The following SLC35A5 variants were observed in gnomAD, a reference collection of about 807,000 sequenced individuals.
SLC35A5 encodes UDP-sugar transporter protein SLC35A5.
SLC35A5 carries 28 observed loss-of-function variants against 36.3 expected under a neutral mutation model. That is an observed-to-expected ratio of 0.77 (90% confidence interval 0.57 to 1.06). SLC35A5 has a LOEUF of 1.06. SLC35A5 is among the 50% of genes least tolerant of loss of function. SLC35A5 has a pLI of 0.00. For synonymous variants in SLC35A5, 180 were observed against 173.7 expected (o/e 1.04, Z -0.29); for missense variants, 521 against 499.3 (o/e 1.04, Z -0.41).
In SLC35A5 at chr3:112,581,094, TC is replaced by T; in HGVS notation, c.979del (p.Leu327TrpfsTer8). On this transcript the variant is annotated frameshift_variant, in exon 6 of 7. Coordinates refer to ENST00000492406, the MANE Select transcript of SLC35A5 (RefSeq NM_017945.5). LOFTEE classifies it high-confidence loss of function. The stretch of plus-strand genomic sequence containing the variant: ...CTTTCAGTGGCTTTCATTCTGAAGT[TC>T]CTGGATAACATGTTCCATGTCTTGA... ...QGLSVAFILK[F>X]LDNMFHVLMA... 1.9e-6 allele frequency: 3 copies of T among 1,614,064 alleles called. No individual in the cohort carries two copies. The highest frequency in any genetic ancestry group is 2.5e-6 in the Non-Finnish European group (3 of 1,179,956).
In SLC35A5 at chr3:112,583,352, A is replaced by G. The variant is rs1406436466; in HGVS notation, c.*616A>G. ...AACATCTCAGAATTTTAATTTTTAG[A>G]AATTCATGGGAAATTGGATTTTTGT... On this transcript the variant is annotated 3_prime_UTR_variant, in exon 7 of 7. Coordinates refer to ENST00000492406, the MANE Select transcript of SLC35A5 (RefSeq NM_017945.5). 7.8e-6 allele frequency: 3 copies of G among 383,824 alleles called. No homozygotes were observed. The highest frequency in any genetic ancestry group is 6.2e-5 in the African/African-American group (3 of 48,292). 23.8% of individuals were successfully genotyped at this position (383,824 alleles called of 1,614,324 possible).
Position 112,580,627 on chromosome 3 carries a change from T to C in SLC35A5, c.510T>C (p.Thr170=), listed in dbSNP as rs758136128. 1.2e-6 allele frequency: 2 copies of C among 1,614,136 alleles called. No homozygotes were observed. The highest frequency in any genetic ancestry group is 1.1e-5 in the South Asian group (1 of 91,080). The change falls in exon 6 of 7, where the codon ACT becomes ACC. Residue 170 remains threonine (T), a synonymous_variant. Transcript: ENST00000492406. ...TGGCCTTGACTGCCGGGACTAAAAC[T>C]TTACAGCACAACTTGGCAGGACGTG... ...SIVALTAGTK[T]LQHNLAGRGF...
At position 112,563,463 on chromosome 3, in the gene SLC35A5, C is replaced by T. The variant is rs763766778; in HGVS notation, c.60C>T (p.Phe20=). Residue 20 remains phenylalanine (F), a synonymous_variant, in exon 2 of 7, where the codon TTC becomes TTT. Transcript: ENST00000492406. Reference sequence around the variant, plus strand: ...GCTCCTTGTCAACAATGTATACATTCCTGCTAGGTGCCATATTCATTGCTT... The same window carrying T: ...GCTCCTTGTCAACAATGTATACATTTCTGCTAGGTGCCATATTCATTGCTT... ...VICSLSTMYT[F]LLGAIFIALS... is the part of the protein sequence containing the mutation. The T allele has an allele frequency of 6.2e-7, 1 of 1,608,190 alleles. No homozygotes were observed.
chr3:112,572,314 A>G (rs1248778912), intron 4 of SLC35A5, among the ~76,000 whole-genome samples: 6 of 151,916 alleles, frequency 3.9e-5, no homozygotes, highest in Admixed American at 3.9e-4. Flanking sequence ...CCCCTCTATG[A>G]AATAAATAAT....
Position 112,581,257 on chromosome 3 carries a change from TC to T in SLC35A5, c.1142del (p.Pro381ArgfsTer13), listed in dbSNP as rs1934907326. Reference protein sequence around the residue: ...FIYNASKPQVPEYAPRQERIR... With the variant: ...FIYNASKPQVXEYAPRQERIR... The stretch of plus-strand genomic sequence containing the variant: ...TTTATAATGCCAGCAAGCCTCAAGT[TC>T]CGGAATACGCACCTAGGCAAGAAAG... On this transcript the variant is annotated frameshift_variant, in exon 6 of 7. Coordinates refer to ENST00000492406, the MANE Select transcript of SLC35A5 (RefSeq NM_017945.5). LOFTEE classifies it high-confidence loss of function. 6.2e-7 allele frequency: 1 copy of T among 1,613,810 alleles called. No homozygotes were observed. Among genetic ancestry groups the T allele is most frequent in the South Asian group, 1.1e-5 (1 of 91,054 alleles).
At chr3:112,572,059 C>T (rs1334838304) in intron 4 of SLC35A5, among the ~76,000 whole-genome samples, 6 of 149,760 alleles carry the variant, frequency 4.0e-5, no homozygotes, top group Non-Finnish European at 8.9e-5. Context: ...TCTCCTGCCT[C>T]AGCCTCCCGA....
chr3:112,571,000 C>T (rs2705509), intron 4 of SLC35A5, among the ~76,000 whole-genome samples: 3 of 152,200 alleles, frequency 2.0e-5, no homozygotes, highest in African/African-American at 7.2e-5. Context: ...CTCTAATTAT[C>T]TCAGCATCCA....
rs762381230 is a variant in SLC35A5 at position 112,580,980 on chromosome 3, G to C, written c.863G>C (p.Ser288Thr). Residue 288 changes from serine (S) to threonine (T), a missense_variant, in exon 6 of 7, where the codon AGT (serine) becomes ACT (threonine). Coordinates refer to ENST00000492406, the MANE Select transcript of SLC35A5 (RefSeq NM_017945.5). ...GGGCTGACTCTGGGCCTTCAGAGGA[G>C]TAACCGTGATCAGATTAAGAACTGT... ...FNGLTLGLQR[S>T]NRDQIKNCGF... 4 of 1,613,996 alleles carry C rather than the reference G, an allele frequency of 2.5e-6. No individual in the cohort carries two copies. Among genetic ancestry groups the C allele is most frequent in the Non-Finnish European group, 3.4e-6 (4 of 1,179,986 alleles).
chr3:112,582,451 CAT>C (rs1934971038), intron 6 of SLC35A5, among the ~76,000 whole-genome samples: 2 of 152,110 alleles, frequency 1.3e-5, no homozygotes, highest in South Asian at 4.1e-4. Context: ...TCACTTTGCT[CAT>C]GTTAGCTTTG....
intron 5 of SLC35A5, among the ~76,000 whole-genome samples, chr3:112,576,999 A>G (rs1934703519): frequency 6.6e-6 from 1 of 152,010 alleles, no homozygotes; most frequent in African/African-American, 2.4e-5. Context: ...CTTATACTTG[A>G]TTGTATCAGA....
At chr3:112,580,082 C>G (rs1934835908) in intron 5 of SLC35A5, among the ~76,000 whole-genome samples, 3 of 152,026 alleles carry the variant, frequency 2.0e-5, no homozygotes, top group African/African-American at 7.2e-5. Flanking sequence ...GGGTTATGGA[C>G]ACCTTTAAAG....
At chr3:112,575,445 T>C (rs897134918) in intron 5 of SLC35A5, among the ~76,000 whole-genome samples, 14 of 147,552 alleles carry the variant, frequency 9.5e-5, no homozygotes, top group African/African-American at 3.5e-4. Context: ...TTTAAGCATT[T>C]AACTATTTGT....
chr3:112,561,565 TGGA>T (rs1933883741), upstream of SLC35A5: 5 of 1,597,028 alleles, frequency 3.1e-6, no homozygotes, highest in Non-Finnish European at 4.3e-6. Context: ...CGCGACGGGA[TGGA>T]AAGTGCAGCC....
intron 2 of SLC35A5, among the ~76,000 whole-genome samples, chr3:112,564,701 G>A (rs1372993409): frequency 2.6e-5 from 4 of 152,204 alleles, no homozygotes; most frequent in Non-Finnish European, 1.5e-5. Context: ...CACATGGGGA[G>A]AAACCTTGGA....
At chr3:112,567,483 G>A (rs1409004624) in intron 2 of SLC35A5, among the ~76,000 whole-genome samples, 2 of 152,032 alleles carry the variant, frequency 1.3e-5, no homozygotes, top group African/African-American at 4.8e-5. Context: ...TAGTAGATAC[G>A]TGGTTTCACC....
intron 2 of SLC35A5, among the ~76,000 whole-genome samples, chr3:112,565,445 G>A (rs1934152074): frequency 6.6e-6 from 1 of 152,162 alleles, no homozygotes; most frequent in Admixed American, 6.5e-5. Flanking sequence ...AGCAGGATAT[G>A]TTGTGAGAAT....
chr3:112,582,644 A>G, intron 6 of SLC35A5, 27 bp from the exon 7 acceptor site: 1 of 1,587,680 alleles, frequency 6.3e-7, no homozygotes, highest in Non-Finnish European at 8.6e-7. Context: ...GTTTTGTTCT[A>G]ATTACTGCTT....
intron 4 of SLC35A5, among the ~76,000 whole-genome samples, 189 bp from the exon 5 acceptor site, chr3:112,573,700 T>C (rs1161110622): frequency 6.6e-6 from 1 of 152,242 alleles, no homozygotes; most frequent in Non-Finnish European, 1.5e-5. Context: ...TGGACAATAA[T>C]TTGATCATAT....
rs1041964328 is a variant in SLC35A5, at chr3:112,582,652, C to T, written c.1210-19C>T. On this transcript the variant is annotated intron_variant, in intron 6 of 6. Transcript: ENST00000492406. Reference sequence around the variant, plus strand: ...ATTTCCAGTTTTGTTCTAATTACTGCTTTCATGTTTCCTTTTAGGATGGAG... The same window carrying T: ...ATTTCCAGTTTTGTTCTAATTACTGTTTTCATGTTTCCTTTTAGGATGGAG... 9.4e-6 allele frequency: 15 copies of T among 1,602,640 alleles called. No homozygotes were observed. The highest frequency in any genetic ancestry group is 1.3e-5 in the Non-Finnish European group (15 of 1,171,132).
Sources: gnomAD v4.1 joint callset for allele counts (sites outside exome capture counted in the v4.1 genomes callset) on GRCh38, gnomAD v4.1.1 for gene constraint, MANE v1.5 for transcripts, NCBI Gene and HGNC (gene_info 2026-07-23, HGNC 2026-07-21) for gene names.